DERA: variants seen among roughly 807,000 people sequenced by gnomAD.
DERA encodes the protein 2-deoxy-D-ribose 5-phosphate aldolase.
In DERA, 15 loss-of-function variants were observed where a neutral mutation model predicts 41.1. The observed-to-expected ratio is 0.37, with a 90% CI of 0.24 to 0.56. The LOEUF is 0.56. Among genes scored for constraint, DERA ranks in the 20% least tolerant of loss-of-function variants. The pLI is 0.81. For synonymous variants in DERA, 139 were observed against 137.4 expected (o/e 1.01, Z -0.08); for missense variants, 396 against 403.4 (o/e 0.98, Z 0.16).
At chr12:15,986,195 A>G (rs910966194) in intron 6 of DERA, among the ~76,000 whole-genome samples, 3 of 152,062 alleles carry the variant, frequency 2.0e-5, no homozygotes, top group Admixed American at 6.5e-5. Context: ...TGCATGGTAT[A>G]TATTTTTTTC....
At chr12:16,022,108 A>G (rs1382922299) in intron 6 of DERA, among the ~76,000 whole-genome samples, 2 of 152,236 alleles carry the variant, frequency 1.3e-5, no homozygotes, top group South Asian at 2.1e-4. Flanking sequence ...GTAATCCCCA[A>G]TGATGGAGGC....
intron 5 of DERA, among the ~76,000 whole-genome samples, chr12:15,971,573 AT>A (rs1948660872): frequency 7.2e-6 from 1 of 139,312 alleles, no homozygotes; most frequent in African/African-American, 2.7e-5. Flanking sequence ...CTGGAGTGCA[AT>A]GGTGCGATCT....
intron 6 of DERA, among the ~76,000 whole-genome samples, chr12:16,002,108 A>G (rs945137049): frequency 7.3e-5 from 11 of 150,446 alleles, no homozygotes; most frequent in South Asian, 6.5e-4. Context: ...AACATTAGGT[A>G]TATCTTCTAA....
chr12:15,980,135 T>C (rs1948723375), intron 5 of DERA, among the ~76,000 whole-genome samples: 1 of 152,244 alleles, frequency 6.6e-6, no homozygotes, highest in Non-Finnish European at 1.5e-5. Flanking sequence ...CTGAACTTAA[T>C]AATTAAACTT....
intron 6 of DERA, among the ~76,000 whole-genome samples, chr12:16,030,591 A>G (rs566312300): frequency 1.3e-4 from 20 of 152,096 alleles, no homozygotes; most frequent in East Asian, 5.8e-4. Context: ...CCTTCATTCA[A>G]TCTCTATTTG....
chr12:16,022,312 T>G (rs1949021876), intron 6 of DERA, among the ~76,000 whole-genome samples: 1 of 152,220 alleles, frequency 6.6e-6, no homozygotes, highest in Admixed American at 6.5e-5. Context: ...GCCATGATCG[T>G]AGGCTTCCCA....
In DERA at chr12:16,036,540, G is replaced by A. The variant is rs1049398691; in HGVS notation, c.901-150G>A. 2 of 997,458 alleles carry A rather than the reference G, an allele frequency of 2.0e-6. No homozygotes were observed. The highest frequency in any genetic ancestry group is 2.7e-5 in the Admixed American group (1 of 36,900). 61.8% of individuals were successfully genotyped at this position (997,458 alleles called of 1,614,324 possible). The stretch of plus-strand genomic sequence containing the variant: ...CCAAGCAAACCGCCATCAGAAGTGA[G>A]TAGGGTGGAGATTCTGCTGAAGCAC... On this transcript the variant is annotated intron_variant, in intron 8 of 8. Transcript: ENST00000428559. The surrounding 1 kb of genome is among the most constrained non-coding windows in gnomAD (Gnocchi z 4.9).
At chr12:16,015,466 G>A (rs1948974926) in intron 6 of DERA, among the ~76,000 whole-genome samples, 1 of 152,154 alleles carries the variant, frequency 6.6e-6, no homozygotes. Flanking sequence ...TGTGAAGAAG[G>A]TGCCTAGCTT....
Position 15,976,746 on chromosome 12 carries a change from T to A in DERA, c.509-5562T>A, listed in dbSNP as rs1398084036. 6.6e-6 allele frequency among the ~76,000 whole-genome samples: 1 copy of A among 152,206 alleles called. No homozygotes were observed. The highest frequency in any genetic ancestry group is 2.4e-5 in the African/African-American group (1 of 41,442). ...AACCGTTTTAATACTTTTATATTTATTGGCAGAATTTGAGAAGGGTTTGAG... is the reference window on the plus strand; with the variant it reads ...AACCGTTTTAATACTTTTATATTTAATGGCAGAATTTGAGAAGGGTTTGAG... On this transcript the variant is annotated intron_variant, in intron 5 of 8. Transcript: ENST00000428559. The surrounding 1 kb of genome is among the most constrained non-coding windows in gnomAD (Gnocchi z 4.1).
At position 15,941,062 on chromosome 12, in the gene DERA, A is replaced by G. The variant is rs1352543333; in HGVS notation, c.32-15874A>G. Among the ~76,000 whole-genome samples, 1 of 152,216 alleles carries G rather than the reference A, an allele frequency of 6.6e-6. No individual in the cohort carries two copies. Among genetic ancestry groups the G allele is most frequent in the Non-Finnish European group, 1.5e-5 (1 of 68,038 alleles). On this transcript the variant is annotated intron_variant, in intron 1 of 8. Coordinates refer to ENST00000428559, the MANE Select transcript of DERA (RefSeq NM_015954.4). The surrounding 1 kb of genome is among the most constrained non-coding windows in gnomAD (Gnocchi z 4.5). The stretch of plus-strand genomic sequence containing the variant: ...TGATAGTTTTTGTTGTTGTTGTAGA[A>G]TTAAAAAGCCTGACCCAAAGAAAAT...
Position 15,922,668 on chromosome 12 carries a change from G to T in DERA, c.31+11254G>T, listed in dbSNP as rs949500854. Among the ~76,000 whole-genome samples the T allele has an allele frequency of 3.3e-5, 5 of 152,192 alleles. No individual in the cohort carries two copies. The highest frequency in any genetic ancestry group is 4.8e-5 in the African/African-American group (2 of 41,450). The stretch of plus-strand genomic sequence containing the variant: ...TCCTGTGGAAAGAATGTCAGGGAAT[G>T]TGTACCTGCCCATTTGTGCTTCATT... On this transcript the variant is annotated intron_variant, in intron 1 of 8. Transcript: ENST00000428559. This position sits in a 1 kb window ranked among gnomAD's most constrained non-coding sequence, Gnocchi z 4.9.
chr12:15,939,354 G>A (rs1948393416), intron 1 of DERA, among the ~76,000 whole-genome samples: 1 of 152,166 alleles, frequency 6.6e-6, no homozygotes, highest in Non-Finnish European at 1.5e-5. Context: ...AGGAGAAATA[G>A]AATGACTGCT....
At chr12:16,033,700 A>G (rs962987826) in intron 7 of DERA, among the ~76,000 whole-genome samples, 1 of 151,758 alleles carries the variant, frequency 6.6e-6, no homozygotes, top group Non-Finnish European at 1.5e-5. Context: ...AAACCCAAAA[A>G]AGACCTTTAA....
At chr12:15,933,521 A>G (rs191950439) in intron 1 of DERA, among the ~76,000 whole-genome samples, 215 of 152,228 alleles carry the variant, frequency 1.4e-3, no homozygotes, top group African/African-American at 4.8e-3. Flanking sequence ...TTTCCAGTCT[A>G]TCTTATACAC....
rs1276693606 is a variant in DERA, at chr12:15,924,776, T to TA, written c.31+13363dup. 6.6e-6 allele frequency among the ~76,000 whole-genome samples: 1 copy of TA among 152,210 alleles called. No homozygotes were observed. Among genetic ancestry groups the TA allele is most frequent in the Non-Finnish European group, 1.5e-5 (1 of 68,030 alleles). On this transcript the variant is annotated intron_variant, in intron 1 of 8. Transcript: ENST00000428559. The surrounding 1 kb of genome is among the most constrained non-coding windows in gnomAD (Gnocchi z 5.0). ...CCATTTCACCTCCTCCCTGAAGGCT[T>TA]ACTTGGTCTCCTCTGCTAGACTTTT...
Position 15,941,683 on chromosome 12 carries a change from A to G in DERA, c.32-15253A>G, listed in dbSNP as rs114036889. ...GAACTGTGGCCTCCAGCTCCACCCA[A>G]GTTGCTGCAAAAGACATTATTTCGT... is the stretch of plus-strand genomic sequence containing the variant. On this transcript the variant is annotated intron_variant, in intron 1 of 8. Coordinates refer to ENST00000428559, the MANE Select transcript of DERA (RefSeq NM_015954.4). This position sits in a 1 kb window ranked among gnomAD's most constrained non-coding sequence, Gnocchi z 4.5. Among the ~76,000 whole-genome samples, 536 of 152,210 alleles carry G rather than the reference A, an allele frequency of 3.5e-3. 3 individuals carry two copies. The highest frequency in any genetic ancestry group is 0.012 in the African/African-American group (512 of 41,528).
At position 15,999,103 on chromosome 12, in the gene DERA, G is replaced by A. The variant is rs1372495210; in HGVS notation, c.637+16667G>A. ...GGGAGGAAATGAGGGATGGAGGGTT[G>A]GTGAGGGCTGGAGGGAAGACTGAGG... On this transcript the variant is annotated intron_variant, in intron 6 of 8. Transcript: ENST00000428559. The surrounding 1 kb of genome is among the most constrained non-coding windows in gnomAD (Gnocchi z 5.3). 6.6e-6 allele frequency among the ~76,000 whole-genome samples: 1 copy of A among 152,160 alleles called. No homozygotes were observed. Among genetic ancestry groups the A allele is most frequent in the African/African-American group, 2.4e-5 (1 of 41,432 alleles).
At chr12:15,987,053 C>T (rs1252523017) in intron 6 of DERA, among the ~76,000 whole-genome samples, 1 of 151,976 alleles carries the variant, frequency 6.6e-6, no homozygotes, top group Admixed American at 6.6e-5. Context: ...TCTTATCTTA[C>T]TCTAGCTATG....
chr12:15,961,169 T>C (rs923797533), intron 4 of DERA, among the ~76,000 whole-genome samples: 3 of 152,182 alleles, frequency 2.0e-5, no homozygotes, highest in African/African-American at 7.2e-5. Context: ...CAGGACCTGA[T>C]AAAAGCCACA....
Sources: allele counts gnomAD v4.1 joint callset (sites outside exome capture counted in the v4.1 genomes callset), GRCh38; gene constraint gnomAD v4.1.1; non-coding constraint Gnocchi (gnomAD v3.1); transcripts MANE v1.5; gene names NCBI Gene and HGNC (gene_info 2026-07-23, HGNC 2026-07-21).